Variants in KLF8 observed in about 807,000 individuals in gnomAD.
KLF8 encodes KLF transcription factor 8, also known as Krueppel-like factor 8.
In KLF8, 10 loss-of-function variants were observed where a neutral mutation model predicts 18.2. The observed-to-expected ratio is 0.55, with a 90% CI of 0.34 to 0.93. KLF8 has a LOEUF of 0.93. Ranked by LOEUF, KLF8 falls within the 40% of genes least tolerant of loss-of-function variation. The pLI, the probability that KLF8 is intolerant of heterozygous loss-of-function variation, is 0.02. For synonymous variants in KLF8, 109 were observed against 97.3 expected (o/e 1.12, Z -0.71); for missense variants, 264 against 277.9 (o/e 0.95, Z 0.36).
At chrX:56,081,069 T>G in the KLF8 span, among the ~76,000 whole-genome samples, 1 of 111,363 alleles carries the variant, frequency 9.0e-6, no homozygotes, top group East Asian at 2.8e-4. Context: ...TTTCAAAGTT[T>G]TCATCTTCTT....
chrX:55,944,125 G>A, the KLF8 span, among the ~76,000 whole-genome samples: 3 of 111,019 alleles, frequency 2.7e-5, no homozygotes, highest in African/African-American at 9.8e-5. Context: ...TTATATGCTG[G>A]ATTACATTTA....
At chrX:56,039,088 C>T in the KLF8 span, among the ~76,000 whole-genome samples, 2 of 111,320 alleles carry the variant, frequency 1.8e-5, no homozygotes, top group Non-Finnish European at 3.8e-5. Context: ...TGTTTAATAT[C>T]CTTATAGATT....
intron 1 of KLF8, among the ~76,000 whole-genome samples, chrX:56,248,165 G>A (rs1282705351): frequency 1.8e-5 from 2 of 110,607 alleles, no homozygotes; most frequent in Non-Finnish European, 3.8e-5. Context: ...GTCATGGGGT[G>A]GGGGGAGAGC....
the KLF8 span, among the ~76,000 whole-genome samples, chrX:56,103,091 C>T: frequency 1.8e-5 from 2 of 110,282 alleles, no homozygotes; most frequent in East Asian, 2.9e-4. Flanking sequence ...GGTACCAGTA[C>T]CATGCTGTTT....
chrX:56,259,139 T>C (rs181610434), intron 2 of KLF8, among the ~76,000 whole-genome samples: 3 of 111,282 alleles, frequency 2.7e-5, no homozygotes, highest in African/African-American at 9.8e-5. Flanking sequence ...TACATGTCTC[T>C]CCTTTACCCT....
chrX:56,180,433 T>C, the KLF8 span, among the ~76,000 whole-genome samples: 17 of 111,687 alleles, frequency 1.5e-4, no homozygotes, highest in African/African-American at 5.5e-4. Flanking sequence ...CGTTTATTTT[T>C]TTCAGCGTTT....
the KLF8 span, among the ~76,000 whole-genome samples, chrX:56,037,830 C>T: frequency 9.9e-5 from 11 of 111,550 alleles, no homozygotes; most frequent in Non-Finnish European, 1.7e-4. Flanking sequence ...TCAATAACAC[C>T]ATTGGACACA....
chrX:56,187,987 C>G, the KLF8 span, among the ~76,000 whole-genome samples: 8 of 111,596 alleles, frequency 7.2e-5, no homozygotes, highest in African/African-American at 2.6e-4. Context: ...CCTCTCTCAC[C>G]ACTCCTATTC....
At chrX:56,149,289 G>A in the KLF8 span, among the ~76,000 whole-genome samples, 8 of 111,850 alleles carry the variant, frequency 7.2e-5, no homozygotes, top group South Asian at 7.4e-4. Context: ...TTTAGATTTG[G>A]CATTCATCTA....
At chrX:56,041,444 T>C in the KLF8 span, among the ~76,000 whole-genome samples, 1 of 107,216 alleles carries the variant, frequency 9.3e-6, no homozygotes, top group Non-Finnish European at 1.9e-5. Context: ...GTGTCTATTC[T>C]CTCTTTATTA....
the KLF8 span, among the ~76,000 whole-genome samples, chrX:56,177,389 T>G: frequency 9.0e-6 from 1 of 111,173 alleles, no homozygotes; most frequent in African/African-American, 3.3e-5. Flanking sequence ...TTTGCCTGGG[T>G]ATCAGCAGTG....
At chrX:56,003,130 C>A in the KLF8 span, among the ~76,000 whole-genome samples, 3 of 111,718 alleles carry the variant, frequency 2.7e-5, no homozygotes, top group Non-Finnish European at 5.6e-5. Flanking sequence ...GTGGCTCAGG[C>A]CTGTAATCCC....
the KLF8 span, among the ~76,000 whole-genome samples, chrX:55,927,345 G>A: frequency 8.9e-6 from 1 of 112,142 alleles, no homozygotes; most frequent in Non-Finnish European, 1.9e-5. Flanking sequence ...ATCATGCATA[G>A]TGCTGCGATG....
At chrX:56,124,228 T>A in the KLF8 span, among the ~76,000 whole-genome samples, 3 of 111,934 alleles carry the variant, frequency 2.7e-5, no homozygotes, top group Admixed American at 1.9e-4. Context: ...ATTTGTTTAT[T>A]GCTTACATTT....
chrX:56,028,241 C>T, the KLF8 span, among the ~76,000 whole-genome samples: 6 of 112,069 alleles, frequency 5.4e-5, no homozygotes, highest in Non-Finnish European at 9.4e-5. Flanking sequence ...GTTGTAGAGG[C>T]CCCCATTCAA....
intron 2 of KLF8, among the ~76,000 whole-genome samples, chrX:56,253,861 A>G (rs1362737147): frequency 5.2e-5 from 5 of 96,042 alleles, no homozygotes; most frequent in Non-Finnish European, 8.0e-5. Flanking sequence ...CCTGGCTTCC[A>G]GCAATTCTTG....
chrX:56,162,351 A>G, the KLF8 span, among the ~76,000 whole-genome samples: 1 of 112,139 alleles, frequency 8.9e-6, no homozygotes, highest in African/African-American at 3.2e-5. Flanking sequence ...TTGTTTGGCT[A>G]TGCCCTGCCC....
At chrX:55,966,769 A>T in the KLF8 span, among the ~76,000 whole-genome samples, 1 of 111,907 alleles carries the variant, frequency 8.9e-6, no homozygotes, top group East Asian at 2.8e-4. Flanking sequence ...TGCCCTCACC[A>T]AACGTGCTAA....
the KLF8 span, among the ~76,000 whole-genome samples, chrX:56,135,493 T>C: frequency 9.1e-6 from 1 of 110,114 alleles, no homozygotes; most frequent in African/African-American, 3.3e-5. Flanking sequence ...TAGGTGGGAA[T>C]TGAACAATGA....
Sources: gnomAD v4.1 joint callset for allele counts (sites outside exome capture counted in the v4.1 genomes callset) on GRCh38, gnomAD v4.1.1 for gene constraint, MANE v1.5 for transcripts, NCBI Gene and HGNC (gene_info 2026-07-23, HGNC 2026-07-21) for gene names.